VPS53: variants seen among roughly 807,000 people sequenced by gnomAD.
VPS53 encodes VPS53 subunit of GARP complex.
VPS53 carries 70 observed loss-of-function variants against 107.0 expected under a neutral mutation model. That is an observed-to-expected ratio of 0.65 (90% CI 0.54 to 0.80). The LOEUF is 0.80. Among genes scored for constraint, VPS53 ranks in the 30% least tolerant of loss-of-function variants. The pLI, the probability that VPS53 is intolerant of heterozygous loss-of-function variation, is 0.00. For synonymous variants in VPS53, 409 were observed against 393.3 expected (o/e 1.04, Z -0.47); for missense variants, 917 against 1,049.4 (o/e 0.87, Z 1.74).
chr17:557,804 G>A (rs1912568048), intron 15 of VPS53, among the ~76,000 whole-genome samples: 2 of 150,792 alleles, frequency 1.3e-5, no homozygotes, highest in South Asian at 4.2e-4. Flanking sequence ...GAAAACTAAT[G>A]CAAAACATTT....
At chr17:657,786 G>T (rs1332777786) in intron 5 of VPS53, among the ~76,000 whole-genome samples, 1 of 152,228 alleles carries the variant, frequency 6.6e-6, no homozygotes, top group Non-Finnish European at 1.5e-5. Flanking sequence ...TGAGTTTGTG[G>T]ATAGATACAT....
chr17:606,596 G>C (rs1339598763), intron 11 of VPS53, among the ~76,000 whole-genome samples: 1 of 152,044 alleles, frequency 6.6e-6, no homozygotes, highest in African/African-American at 2.4e-5. Context: ...GATTATAATG[G>C]AGCCATACAA....
intron 17 of VPS53, among the ~76,000 whole-genome samples, chr17:548,771 T>G (rs1911534024): frequency 6.6e-6 from 1 of 152,256 alleles, no homozygotes; most frequent in South Asian, 2.1e-4. Context: ...CCCTGGGATG[T>G]TGAATGAGAT....
intron 7 of VPS53, among the ~76,000 whole-genome samples, chr17:643,891 T>C (rs568293082): frequency 1.3e-5 from 2 of 152,338 alleles, no homozygotes; most frequent in Admixed American, 6.5e-5. Context: ...GTCGAGGCCA[T>C]AGAGCTGTGC....
intron 7 of VPS53, among the ~76,000 whole-genome samples, chr17:644,785 T>A (rs1029065986): frequency 6.6e-6 from 1 of 152,196 alleles, no homozygotes; most frequent in African/African-American, 2.4e-5. Flanking sequence ...GGTTTCACCA[T>A]GTTGTCCAGG....
chr17:572,569 G>A (rs923406904), intron 13 of VPS53, among the ~76,000 whole-genome samples: 5 of 151,954 alleles, frequency 3.3e-5, no homozygotes, highest in African/African-American at 7.3e-5. Context: ...TGACAATGGC[G>A]GTTTTGTGGA....
intron 15 of VPS53, among the ~76,000 whole-genome samples, chr17:556,812 G>A (rs915283668): frequency 8.1e-6 from 1 of 123,896 alleles, no homozygotes; most frequent in African/African-American, 3.0e-5. Flanking sequence ...TAAGCCAGCC[G>A]AGACGTAACT....
At chr17:687,115 T>C (rs1972613406) in intron 4 of VPS53, among the ~76,000 whole-genome samples, 2 of 152,036 alleles carry the variant, frequency 1.3e-5, no homozygotes, top group African/African-American at 4.8e-5. Flanking sequence ...TGAAACCCTG[T>C]CTCTACCAAA....
At chr17:563,839 G>A (rs941278597) in intron 13 of VPS53, among the ~76,000 whole-genome samples, 5 of 152,206 alleles carry the variant, frequency 3.3e-5, no homozygotes, top group South Asian at 2.1e-4. Context: ...ATGTGCCCAA[G>A]AGACAGATGC....
intron 13 of VPS53, among the ~76,000 whole-genome samples, chr17:576,659 C>A (rs989581984): frequency 2.6e-5 from 4 of 151,504 alleles, no homozygotes; most frequent in African/African-American, 4.9e-5. Flanking sequence ...CTAATGCGTT[C>A]CCAGAAAAAT....
chr17:595,745 T>G (rs1445611964), intron 12 of VPS53, among the ~76,000 whole-genome samples: 1 of 134,566 alleles, frequency 7.4e-6, no homozygotes, highest in Non-Finnish European at 1.6e-5. Flanking sequence ...GATGATGCAC[T>G]CTAGTGTCCC....
At chr17:616,818 C>G (rs1969158556) in intron 11 of VPS53, among the ~76,000 whole-genome samples, 3 of 152,210 alleles carry the variant, frequency 2.0e-5, no homozygotes, top group Admixed American at 2.0e-4. Flanking sequence ...TCCAGAAGGG[C>G]CTTCCCTGCC....
intron 12 of VPS53, among the ~76,000 whole-genome samples, chr17:598,660 C>A (rs1182479074): frequency 6.9e-6 from 1 of 145,072 alleles, no homozygotes; most frequent in Non-Finnish European, 1.5e-5. Flanking sequence ...GCGACCCGGT[C>A]TGGGAGGTGA....
Position 551,964 on chromosome 17 carries a change from A to G in VPS53, c.1788-14T>C, listed in dbSNP as rs1361010797. On this transcript the variant is annotated splice_polypyrimidine_tract_variant and intron_variant, in intron 16 of 21. Coordinates refer to ENST00000437048, the MANE Select transcript of VPS53 (RefSeq NM_001128159.3). ...CTGGAGATGACGCTGCAAATCAAAC[A>G]AATCACTGTGGTCACCCTTTCAAAC... 1 of 1,579,868 alleles carries G rather than the reference A, an allele frequency of 6.3e-7. No homozygotes were observed. The highest frequency in any genetic ancestry group is 8.6e-7 in the Non-Finnish European group (1 of 1,161,108).
At chr17:708,945 G>A (rs1223851789) in intron 2 of VPS53, among the ~76,000 whole-genome samples, 5 of 151,772 alleles carry the variant, frequency 3.3e-5, no homozygotes, top group East Asian at 1.9e-4. Flanking sequence ...CTCTTGCCTC[G>A]GCACCTGGGT....
chr17:618,509 C>A (rs1969274449), intron 11 of VPS53, among the ~76,000 whole-genome samples: 1 of 150,980 alleles, frequency 6.6e-6, no homozygotes, highest in African/African-American at 2.4e-5. Flanking sequence ...CGCCACCACA[C>A]CCCACTAATA....
intron 13 of VPS53, among the ~76,000 whole-genome samples, chr17:578,151 A>G (rs902338337): frequency 2.6e-5 from 4 of 152,024 alleles, no homozygotes; most frequent in African/African-American, 9.7e-5. Context: ...TTTCCCAGAG[A>G]AATTCCCTCA....
At chr17:670,114 A>G (rs1035452264) in intron 4 of VPS53, among the ~76,000 whole-genome samples, 1 of 152,078 alleles carries the variant, frequency 6.6e-6, no homozygotes, top group Admixed American at 6.5e-5. Context: ...CTCAAATTCT[A>G]TACACACACA....
rs1244843566 is a variant in VPS53 at position 524,166 on chromosome 17, G to A, written c.2086-2428C>T. 2.0e-5 allele frequency among the ~76,000 whole-genome samples: 3 copies of A among 152,204 alleles called. No individual in the cohort carries two copies. Among genetic ancestry groups the A allele is most frequent in the East Asian group, 1.9e-4 (1 of 5,176 alleles). ...ATACAAAAATTAGCCGGGTGTGGTG[G>A]CGCATGCCTGTAATCCCAGCTACTC... is the stretch of plus-strand genomic sequence containing the variant. On this transcript the variant is annotated intron_variant, in intron 19 of 21. Coordinates refer to ENST00000437048, the MANE Select transcript of VPS53 (RefSeq NM_001128159.3). This position sits in a 1 kb window ranked among gnomAD's most constrained non-coding sequence, Gnocchi z 4.5.
Sources: allele counts gnomAD v4.1 joint callset (sites outside exome capture counted in the v4.1 genomes callset), GRCh38; gene constraint gnomAD v4.1.1; non-coding constraint Gnocchi (gnomAD v3.1); transcripts MANE v1.5; gene names NCBI Gene and HGNC (gene_info 2026-07-23, HGNC 2026-07-21).